The following GALNT16 variants were observed in gnomAD, a reference collection of about 807,000 sequenced individuals.
GALNT16 encodes the protein UDP-GalNAc:polypeptide N-acetylgalactosaminyltransferase-like protein 1.
In GALNT16, 40 loss-of-function variants were observed where a neutral mutation model predicts 76.1. That is an observed-to-expected ratio of 0.53 (90% CI 0.41 to 0.68). GALNT16 has a LOEUF of 0.68. Ranked by LOEUF, GALNT16 falls within the 30% of genes least tolerant of loss-of-function variation. The probability of loss-of-function intolerance (pLI) is 0.00; values close to 1 mark genes in which losing one functional copy is unlikely to be tolerated. For missense variants in GALNT16, 621 were observed against 731.9 expected, an observed-to-expected ratio of 0.85 and a Z score of 1.75; for synonymous variants, 276 against 285.2, an observed-to-expected ratio of 0.97 and a Z score of 0.32.
chr14:69,367,004 T>A, the GALNT16 span, among the ~76,000 whole-genome samples: 1 of 152,078 alleles, frequency 6.6e-6, no homozygotes, highest in African/African-American at 2.4e-5. Context: ...CCTTAACCTA[T>A]GATTAAGGGT....
At chr14:69,294,910 G>A (rs892312197) in intron 1 of GALNT16, among the ~76,000 whole-genome samples, 4 of 152,058 alleles carry the variant, frequency 2.6e-5, no homozygotes, top group Non-Finnish European at 5.9e-5. Flanking sequence ...GTTCACCCAT[G>A]TTGTAGTTTA....
chr14:69,268,871 T>C (rs1346934524), intron 1 of GALNT16, among the ~76,000 whole-genome samples: 2 of 152,140 alleles, frequency 1.3e-5, no homozygotes, highest in Non-Finnish European at 2.9e-5. Flanking sequence ...CCAGACAGCC[T>C]GGGCCAGGGC....
At chr14:69,270,345 G>A (rs1352676713) in intron 1 of GALNT16, among the ~76,000 whole-genome samples, 2 of 152,166 alleles carry the variant, frequency 1.3e-5, no homozygotes, top group Non-Finnish European at 2.9e-5. Context: ...GAGGTTCGAT[G>A]GCTCCCTCAG....
intron 1 of GALNT16, among the ~76,000 whole-genome samples, chr14:69,279,349 T>C (rs1004906233): frequency 2.6e-5 from 4 of 152,258 alleles, no homozygotes; most frequent in African/African-American, 9.6e-5. Context: ...GGGGTCCCTT[T>C]ACATTTGCAC....
chr14:69,286,878 G>C (rs957496424), intron 1 of GALNT16, among the ~76,000 whole-genome samples: 1 of 152,140 alleles, frequency 6.6e-6, no homozygotes, highest in East Asian at 1.9e-4. Flanking sequence ...ATAAAATGTC[G>C]ATGTTTTAAT....
At chr14:69,366,386 C>T in the GALNT16 span, among the ~76,000 whole-genome samples, 11 of 152,336 alleles carry the variant, frequency 7.2e-5, no homozygotes, top group East Asian at 1.4e-3. Flanking sequence ...CACCTTCCCA[C>T]AGCAGATCCT....
chr14:69,326,691 G>A (rs1438912324), intron 5 of GALNT16, among the ~76,000 whole-genome samples: 1 of 152,238 alleles, frequency 6.6e-6, no homozygotes, highest in African/African-American at 2.4e-5. Flanking sequence ...AAAGGCATCA[G>A]TCAGGGGTAT....
chr14:69,262,915 T>C (rs1388392207), intron 1 of GALNT16, among the ~76,000 whole-genome samples: 1 of 151,408 alleles, frequency 6.6e-6, no homozygotes, highest in Non-Finnish European at 1.5e-5. Flanking sequence ...AGTCTCACTC[T>C]GTCACCCAGG....
intron 6 of GALNT16, among the ~76,000 whole-genome samples, chr14:69,329,941 G>C (rs1368832936): frequency 6.6e-6 from 1 of 152,002 alleles, no homozygotes. Flanking sequence ...AGATTTGGGG[G>C]GATAAATACC....
chr14:69,299,598 G>A (rs2044820413), intron 1 of GALNT16, among the ~76,000 whole-genome samples: 1 of 152,194 alleles, frequency 6.6e-6, no homozygotes, highest in Non-Finnish European at 1.5e-5. Context: ...TGTCCTTAAG[G>A]AAGAGGTTCT....
intron 9 of GALNT16, among the ~76,000 whole-genome samples, chr14:69,335,278 T>G (rs2045402423): frequency 6.6e-6 from 1 of 152,144 alleles, no homozygotes; most frequent in Non-Finnish European, 1.5e-5. Context: ...GGCATGGGAC[T>G]CCCCCAGCTT....
rs995627215 is a variant in GALNT16, at chr14:69,353,741, G to A, written c.*1573G>A. The A allele has an allele frequency of 6.6e-6, 1 of 152,178 alleles. No homozygotes were observed. Among genetic ancestry groups the A allele is most frequent in the South Asian group, 2.1e-4 (1 of 4,826 alleles). The allele number at this position is 152,178 out of a possible 1,614,324, so 9.4% of individuals were successfully genotyped here. A position where few individuals can be genotyped will look rare whatever the true frequency, so the allele number is the denominator to read the frequency against. ...CATTTTCCTGGGGAAAAAGTCCATG[G>A]CTTCTAAAAGAGGTCCCTGATCCCC... is the stretch of plus-strand genomic sequence containing the variant. On this transcript the variant is annotated 3_prime_UTR_variant, in exon 15 of 15. Transcript: ENST00000448469.
At chr14:69,264,815 C>CTTTTTTTTT (rs1436985515) in intron 1 of GALNT16, among the ~76,000 whole-genome samples, 1 of 44,958 alleles carries the variant, frequency 2.2e-5, no homozygotes, top group Non-Finnish European at 3.5e-5. Context: ...TTTTCTTTTT[C>CTTTTTTTTT]TTTCTTTTTT....
intron 12 of GALNT16, among the ~76,000 whole-genome samples, chr14:69,343,099 A>C (rs1395348392): frequency 6.6e-6 from 1 of 152,234 alleles, no homozygotes; most frequent in Non-Finnish European, 1.5e-5. Flanking sequence ...TTTTAATGGA[A>C]CAAGTTGCAC....
rs1405568061 is a variant in GALNT16 at position 69,261,412 on chromosome 14, C to T, written c.177+945C>T. On this transcript the variant is annotated intron_variant, in intron 1 of 14. Coordinates refer to ENST00000448469, the MANE Select transcript of GALNT16 (RefSeq NM_001168368.2). The surrounding 1 kb of genome is among the most constrained non-coding windows in gnomAD (Gnocchi z 6.4). ...CCCGCCGAGAGTGCGCTCGAGCGGGCGCATTCTTCCAGACGGGGGCGGTTG... is the reference window on the plus strand; with the variant it reads ...CCCGCCGAGAGTGCGCTCGAGCGGGTGCATTCTTCCAGACGGGGGCGGTTG... 6.6e-6 allele frequency among the ~76,000 whole-genome samples: 1 copy of T among 152,086 alleles called. No homozygotes were observed. The highest frequency in any genetic ancestry group is 1.9e-4 in the East Asian group (1 of 5,166).
chr14:69,368,806 A>G, the GALNT16 span, among the ~76,000 whole-genome samples: 103 of 152,298 alleles, frequency 6.8e-4, no homozygotes, highest in Non-Finnish European at 9.0e-4. Flanking sequence ...GACTAGAAAG[A>G]AGGAATCTTT....
chr14:69,305,031 T>A (rs932929480), intron 1 of GALNT16, among the ~76,000 whole-genome samples: 6 of 152,020 alleles, frequency 3.9e-5, no homozygotes, highest in Non-Finnish European at 8.8e-5. Context: ...TTAATTTTTT[T>A]AAGAGCTTCC....
intron 1 of GALNT16, among the ~76,000 whole-genome samples, chr14:69,297,442 C>A (rs918280500): frequency 9.9e-5 from 15 of 152,176 alleles, no homozygotes; most frequent in Non-Finnish European, 1.3e-4. Context: ...TATTCTTATA[C>A]ACCTTGACTC....
the GALNT16 span, among the ~76,000 whole-genome samples, chr14:69,375,380 C>T: frequency 6.6e-6 from 1 of 152,228 alleles, no homozygotes; most frequent in East Asian, 1.9e-4. Flanking sequence ...ATGTTTAGAC[C>T]ATTTACATTT....
Sources: gnomAD v4.1 joint callset for allele counts (sites outside exome capture counted in the v4.1 genomes callset) on GRCh38, gnomAD v4.1.1 for gene constraint, Gnocchi (gnomAD v3.1) non-coding constraint, MANE v1.5 for transcripts, NCBI Gene and HGNC (gene_info 2026-07-23, HGNC 2026-07-21) for gene names.